PHF21A: variants seen among roughly 807,000 people sequenced by gnomAD.
PHF21A encodes BHC80a.
A neutral mutation model predicts 82.5 loss-of-function variants in PHF21A; 11 were observed. The ratio of observed to expected loss-of-function variants is 0.13; its 90% CI spans 0.08 to 0.22. The LOEUF is 0.22. Ranked by LOEUF, PHF21A falls within the 10% of genes least tolerant of loss-of-function variation. The pLI, the probability that PHF21A is intolerant of heterozygous loss-of-function variation, is 1.00. For missense variants in PHF21A, 579 were observed against 837.8 expected, an observed-to-expected ratio of 0.69 and a Z score of 3.81; for synonymous variants, 297 against 302.8, an observed-to-expected ratio of 0.98 and a Z score of 0.20.
chr11:46,054,045 T>C (rs1413935013), intron 6 of PHF21A, among the ~76,000 whole-genome samples: 1 of 152,144 alleles, frequency 6.6e-6, no homozygotes, highest in Non-Finnish European at 1.5e-5. Flanking sequence ...GTCGTGGCAG[T>C]GGAGGAAGAA....
intron 6 of PHF21A, among the ~76,000 whole-genome samples, chr11:46,027,882 T>G (rs1057312658): frequency 2.6e-5 from 4 of 152,236 alleles, no homozygotes; most frequent in African/African-American, 9.6e-5. Context: ...AAATTCTTAT[T>G]TGAACATCTC....
At chr11:46,024,137 T>A (rs1212517102) in intron 6 of PHF21A, among the ~76,000 whole-genome samples, 1 of 152,240 alleles carries the variant, frequency 6.6e-6, no homozygotes, top group African/African-American at 2.4e-5. Context: ...AATGATTTTA[T>A]ATGTTGGGCT....
chr11:46,099,925 T>C (rs919453848), intron 1 of PHF21A, among the ~76,000 whole-genome samples: 2 of 152,166 alleles, frequency 1.3e-5, no homozygotes, highest in African/African-American at 4.8e-5. Flanking sequence ...TTCCATACAA[T>C]TTACATTTTT....
chr11:46,015,325 T>C (rs2095495130), intron 6 of PHF21A, among the ~76,000 whole-genome samples: 1 of 152,194 alleles, frequency 6.6e-6, no homozygotes, highest in African/African-American at 2.4e-5. Flanking sequence ...TCTTTTGCTA[T>C]GCAGAAGCTC....
intron 6 of PHF21A, among the ~76,000 whole-genome samples, chr11:46,035,314 C>T (rs1299658831): frequency 6.6e-6 from 1 of 152,182 alleles, no homozygotes; most frequent in Non-Finnish European, 1.5e-5. Context: ...ATATTAAATT[C>T]CAATTCATAT....
chr11:45,940,122 G>C (rs987218432), intron 15 of PHF21A, among the ~76,000 whole-genome samples: 1 of 152,110 alleles, frequency 6.6e-6, no homozygotes. Context: ...TAATCCACTA[G>C]GGTATCTGGC....
intron 1 of PHF21A, among the ~76,000 whole-genome samples, chr11:46,119,401 T>G (rs1440548127): frequency 1.3e-5 from 2 of 152,188 alleles, no homozygotes; most frequent in Non-Finnish European, 2.9e-5. Context: ...AGAGACATCA[T>G]TTTAAAAACA....
At position 45,965,375 on chromosome 11, in the gene PHF21A, T is replaced by C. The variant is rs748429647; in HGVS notation, c.936A>G (p.Pro312=). The C allele has an allele frequency of 6.2e-7, 1 of 1,614,088 alleles. No homozygotes were observed. Among genetic ancestry groups the C allele is most frequent in the East Asian group, 2.2e-5 (1 of 44,872 alleles). The change falls in exon 10 of 19, where the codon CCA becomes CCG. Residue 312 remains proline (P), a synonymous_variant. Coordinates refer to ENST00000676320, the MANE Select transcript of PHF21A (RefSeq NM_001352027.3). The part of the protein sequence containing the change: ...AQLTSIVIAT[P]GTRLAGPQTV... Reference sequence around the variant, plus strand: ...TTTGAGGTCCAGCGAGTCTGGTCCCTGGAGTAGCTATCACAATGCTGGTGA... The same window carrying C: ...TTTGAGGTCCAGCGAGTCTGGTCCCCGGAGTAGCTATCACAATGCTGGTGA...
chr11:46,075,867 G>A (rs1038733), intron 6 of PHF21A, among the ~76,000 whole-genome samples: 137,364 of 152,284 alleles, frequency 0.9, 62,112 homozygotes, highest in East Asian at 1. Context: ...ATAACATTAA[G>A]TAACAACATA....
intron 10 of PHF21A, among the ~76,000 whole-genome samples, chr11:45,954,948 T>C (rs908793622): frequency 2.0e-5 from 3 of 152,156 alleles, no homozygotes; most frequent in Non-Finnish European, 4.4e-5. Context: ...ACATAGATCT[T>C]TGATTTTCTT....
chr11:46,061,556 AT>A (rs1288442556), intron 6 of PHF21A, among the ~76,000 whole-genome samples: 1 of 152,110 alleles, frequency 6.6e-6, no homozygotes, highest in Non-Finnish European at 1.5e-5. Flanking sequence ...GGTTTTCTAT[AT>A]TCCTACAATT....
At chr11:46,101,340 C>T (rs2097093185) in intron 1 of PHF21A, among the ~76,000 whole-genome samples, 1 of 152,202 alleles carries the variant, frequency 6.6e-6, no homozygotes, top group Admixed American at 6.5e-5. Flanking sequence ...TTCTCATACA[C>T]ATTTTTCCTT....
At chr11:46,076,898 G>T (rs1052554066) in intron 5 of PHF21A, 79 bp from the exon 6 acceptor site, 28 of 1,126,126 alleles carry the variant, frequency 2.5e-5, no homozygotes, top group Non-Finnish European at 3.2e-5. Context: ...TATGCATACT[G>T]CATTACAAAT....
chr11:45,943,175 T>G (rs1243207174), intron 15 of PHF21A, among the ~76,000 whole-genome samples: 2 of 139,742 alleles, frequency 1.4e-5, no homozygotes, highest in Non-Finnish European at 3.0e-5. Context: ...CAGGCCGGAG[T>G]GCAGTGGCGC....
At chr11:45,941,237 T>C (rs535273883) in intron 15 of PHF21A, among the ~76,000 whole-genome samples, 1 of 152,342 alleles carries the variant, frequency 6.6e-6, no homozygotes, top group South Asian at 2.1e-4. Context: ...TAGCTGGGAC[T>C]ACAAGTGCGT....
rs1454890709 is a variant in PHF21A at position 46,109,730 on chromosome 11, C to T, written c.-237+11205G>A. On this transcript the variant is annotated intron_variant, in intron 1 of 18. Coordinates refer to ENST00000676320, the MANE Select transcript of PHF21A (RefSeq NM_001352027.3). Reference sequence around the variant, plus strand: ...GGCGTGGTGGTTTAGGCCTGTAATCCCAGCACTTTGGGAAGGTGAGGCAGG... The same window carrying T: ...GGCGTGGTGGTTTAGGCCTGTAATCTCAGCACTTTGGGAAGGTGAGGCAGG... 3.3e-5 allele frequency among the ~76,000 whole-genome samples: 5 copies of T among 152,118 alleles called. No individual in the cohort carries two copies. In the Middle Eastern group the frequency reaches 0.01, roughly 310 times the overall value.
intron 10 of PHF21A, among the ~76,000 whole-genome samples, chr11:45,955,732 G>A (rs1233385938): frequency 6.6e-6 from 1 of 152,196 alleles, no homozygotes; most frequent in African/African-American, 2.4e-5. Context: ...CATTGGTGGT[G>A]GTGGAGGGTG....
chr11:46,035,946 T>G (rs956789197), intron 6 of PHF21A, among the ~76,000 whole-genome samples: 3 of 152,110 alleles, frequency 2.0e-5, no homozygotes, highest in Non-Finnish European at 4.4e-5. Context: ...CCATTTAAAT[T>G]TGCATTTTTG....
chr11:45,992,805 C>T (rs76578966), intron 6 of PHF21A, among the ~76,000 whole-genome samples: 213 of 152,270 alleles, frequency 1.4e-3, no homozygotes, highest in African/African-American at 4.8e-3. Context: ...GGTAGTAATA[C>T]GTTTCATAAT....
Sources: allele counts gnomAD v4.1 joint callset (sites outside exome capture counted in the v4.1 genomes callset), GRCh38; gene constraint gnomAD v4.1.1; transcripts MANE v1.5; gene names NCBI Gene and HGNC (gene_info 2026-07-23, HGNC 2026-07-21).